The following LNX1 variants were observed in gnomAD, a reference collection of about 807,000 sequenced individuals.
LNX1 encodes the protein E3 ubiquitin-protein ligase LNX.
LNX1 carries 54 observed loss-of-function variants against 68.4 expected under a neutral mutation model. The ratio of observed to expected loss-of-function variants is 0.79; its 90% CI spans 0.63 to 0.99. The LOEUF is 0.99. LNX1 is among the 50% of genes least tolerant of loss of function. LNX1 has a pLI of 0.00. For synonymous variants in LNX1, 336 were observed against 350.0 expected, an observed-to-expected ratio of 0.96 and a Z score of 0.45; for missense variants, 906 against 926.4, an observed-to-expected ratio of 0.98 and a Z score of 0.29.
chr4:53,490,463 C>A (rs748923681), intron 6 of LNX1, among the ~76,000 whole-genome samples: 1 of 152,198 alleles, frequency 6.6e-6, no homozygotes, highest in African/African-American at 2.4e-5. Context: ...ATATTTGAGG[C>A]TTCTATCTCC....
intron 2 of LNX1, among the ~76,000 whole-genome samples, chr4:53,558,615 G>T (rs1730085670): frequency 6.6e-6 from 1 of 152,160 alleles, no homozygotes; most frequent in South Asian, 2.1e-4. Flanking sequence ...TTGAAATCTG[G>T]CTCTCGAGAA....
intron 1 of LNX1, among the ~76,000 whole-genome samples, chr4:53,626,033 A>T (rs1438264147): frequency 6.6e-6 from 1 of 152,218 alleles, no homozygotes; most frequent in Non-Finnish European, 1.5e-5. Flanking sequence ...TTGAATATTC[A>T]TGTAACAGAA....
chr4:53,572,605 T>C (rs372956438), intron 2 of LNX1, among the ~76,000 whole-genome samples: 5 of 152,290 alleles, frequency 3.3e-5, no homozygotes, highest in South Asian at 4.1e-4. Context: ...AACAACATCT[T>C]CCAAATTTCC....
At chr4:53,615,103 C>A (rs1281597177) in intron 2 of LNX1, among the ~76,000 whole-genome samples, 1 of 152,144 alleles carries the variant, frequency 6.6e-6, no homozygotes, top group African/African-American at 2.4e-5. Context: ...GATAATTACA[C>A]ATGCCCCACA....
intron 2 of LNX1, among the ~76,000 whole-genome samples, chr4:53,512,267 G>A (rs1726401936): frequency 6.6e-6 from 1 of 151,132 alleles, no homozygotes; most frequent in Non-Finnish European, 1.5e-5. Flanking sequence ...TTTTTTAGAT[G>A]GTAGCAAGAT....
intron 2 of LNX1, among the ~76,000 whole-genome samples, chr4:53,597,000 C>T (rs1293740134): frequency 6.6e-6 from 1 of 152,162 alleles, no homozygotes; most frequent in Non-Finnish European, 1.5e-5. Context: ...GGTTCCTGGA[C>T]TCCGGGAGGC....
chr4:53,623,174 T>C (rs1286298932), intron 1 of LNX1, among the ~76,000 whole-genome samples: 1 of 151,318 alleles, frequency 6.6e-6, no homozygotes, highest in Non-Finnish European at 1.5e-5. Context: ...TAGTTGTACC[T>C]GAGGATGAGA....
intron 2 of LNX1, among the ~76,000 whole-genome samples, chr4:53,518,168 G>A (rs1370856055): frequency 6.6e-6 from 1 of 152,182 alleles, no homozygotes; most frequent in Non-Finnish European, 1.5e-5. Flanking sequence ...GCGGCCAGGA[G>A]AGGCGTGATG....
chr4:53,546,408 C>T (rs1206289406), intron 2 of LNX1, among the ~76,000 whole-genome samples: 2 of 152,136 alleles, frequency 1.3e-5, no homozygotes, highest in Admixed American at 6.5e-5. Flanking sequence ...CACTGTGTCA[C>T]CTCTATGTCA....
chr4:53,564,723 T>C (rs1730526444), intron 2 of LNX1, among the ~76,000 whole-genome samples: 1 of 151,968 alleles, frequency 6.6e-6, no homozygotes, highest in Non-Finnish European at 1.5e-5. Context: ...TGCATTTCCA[T>C]CTGAGGTACC....
At chr4:53,467,136 G>A (rs147028908) in intron 9 of LNX1, among the ~76,000 whole-genome samples, 3 of 152,204 alleles carry the variant, frequency 2.0e-5, no homozygotes, top group East Asian at 3.9e-4. Context: ...GTACTCCTCT[G>A]AGACAAAACT....
At chr4:53,501,299 T>TTTTGGGGGGGGG (rs56165716) in intron 4 of LNX1, among the ~76,000 whole-genome samples, 1 of 38,792 alleles carries the variant, frequency 2.6e-5, no homozygotes, top group Non-Finnish European at 6.9e-5. Flanking sequence ...TTTTTTTTTT[T>TTTTGGGGGGGGG]GGGGGTGGGG....
At chr4:53,568,202 A>G (rs1166648649) in intron 2 of LNX1, among the ~76,000 whole-genome samples, 9 of 151,902 alleles carry the variant, frequency 5.9e-5, no homozygotes, top group Admixed American at 5.9e-4. Context: ...AAAAAAGAGA[A>G]TTTTAGACCA....
chr4:53,591,476 G>C lies in LNX1; in HGVS notation c.-175C>G, dbSNP rs957413934. The C allele has an allele frequency of 1.0e-6, 1 of 985,524 alleles. No individual in the cohort carries two copies. Among genetic ancestry groups the C allele is most frequent in the African/African-American group, 1.7e-5 (1 of 57,206 alleles). 61.0% of individuals were successfully genotyped at this position (985,524 alleles called of 1,614,324 possible). On this transcript the variant is annotated 5_prime_UTR_variant, in exon 1 of 11. Coordinates refer to ENST00000263925, the MANE Select transcript of LNX1 (RefSeq NM_001126328.3). Reference sequence around the variant, plus strand: ...GGTGAACCGAGCAGCTCCTTGGGCCGCCGGAGTTGTGACCAGCCTCAACTT... The same window carrying C: ...GGTGAACCGAGCAGCTCCTTGGGCCCCCGGAGTTGTGACCAGCCTCAACTT...
chr4:53,527,617 A>C (rs1181249562), intron 2 of LNX1, among the ~76,000 whole-genome samples: 1 of 152,212 alleles, frequency 6.6e-6, no homozygotes, highest in African/African-American at 2.4e-5. Flanking sequence ...GTACATTTCC[A>C]GTGTCTCTCT....
At chr4:53,583,788 A>AAG (rs1286708698) in intron 1 of LNX1, among the ~76,000 whole-genome samples, 2 of 152,174 alleles carry the variant, frequency 1.3e-5, no homozygotes, top group South Asian at 2.1e-4. Flanking sequence ...CAGGTTAGAG[A>AAG]AGAGTGTTCC....
rs1300148905 is a variant in LNX1, at chr4:53,496,079, T to G, written c.1294A>C (p.Ile432Leu). The G allele has an allele frequency of 6.2e-7, 1 of 1,614,204 alleles. No individual in the cohort carries two copies. Among genetic ancestry groups the G allele is most frequent in the South Asian group, 1.1e-5 (1 of 91,080 alleles). The change falls in exon 6 of 11, where the codon ATC becomes CTC. Residue 432 changes from isoleucine (I) to leucine (L), a missense_variant. Physicochemically the swap from Ile to Leu is conservative, Grantham distance 5 (BLOSUM62 2). Transcript: ENST00000263925. ...CCATATCGAAGATCATGTCCATTGA[T>G]GGCTAACACACGGTCATTCTCCTCA... is the stretch of plus-strand genomic sequence containing the variant. Reference protein sequence around the residue: ...QLEENDRVLAINGHDLRYGSP... With the variant: ...QLEENDRVLALNGHDLRYGSP...
rs754898441 is a variant in LNX1 at position 53,573,897 on chromosome 4, C to T, written c.106G>A (p.Asp36Asn). 6.2e-7 allele frequency: 1 copy of T among 1,613,744 alleles called. No individual in the cohort carries two copies. The highest frequency in any genetic ancestry group is 8.5e-7 in the Non-Finnish European group (1 of 1,179,822). ...CAGATGTGGCAGATGAGGTCATCAT[C>T]CACTTCCTCTGGATAGCTGTAGAAG... is the stretch of plus-strand genomic sequence containing the variant. The part of the protein sequence containing the change: ...NHFYSYPEEV[D>N]DDLICHICLQ... Residue 36 changes from aspartate (D) to asparagine (N), a missense_variant, in exon 2 of 11, where the codon GAT (aspartate) becomes AAT (asparagine). Coordinates refer to ENST00000263925, the MANE Select transcript of LNX1 (RefSeq NM_001126328.3).
intron 2 of LNX1, among the ~76,000 whole-genome samples, chr4:53,598,645 T>A (rs1732862984): frequency 6.6e-6 from 1 of 152,184 alleles, no homozygotes; most frequent in Non-Finnish European, 1.5e-5. Flanking sequence ...AGGAGGCCTT[T>A]GATAAATATT....
Sources: gnomAD v4.1 joint callset for allele counts (sites outside exome capture counted in the v4.1 genomes callset) on GRCh38, gnomAD v4.1.1 for gene constraint, MANE v1.5 for transcripts, NCBI Gene and HGNC (gene_info 2026-07-23, HGNC 2026-07-21) for gene names.